Variants in ADAMTS6 observed in about 807,000 individuals in gnomAD.
ADAMTS6 encodes the protein ADAM metallopeptidase with thrombospondin type 1 motif 6.
A neutral mutation model predicts 144.3 loss-of-function variants in ADAMTS6; 23 were observed. The observed-to-expected ratio is 0.16, with a 90% CI of 0.11 to 0.23. The LOEUF is 0.23. Among genes scored for constraint, ADAMTS6 ranks in the 10% least tolerant of loss-of-function variants. ADAMTS6 has a pLI of 1.00. For missense variants in ADAMTS6, 999 were observed against 1,379.6 expected (o/e 0.72, Z 4.37); for synonymous variants, 444 against 457.5 (o/e 0.97, Z 0.38).
chr5:65,164,435 GC>G (rs1753016724), intron 24 of ADAMTS6, among the ~76,000 whole-genome samples: 1 of 147,524 alleles, frequency 6.8e-6, no homozygotes, highest in Non-Finnish European at 1.5e-5. Context: ...AAATTGCAAG[GC>G]GGCAGCGAGG....
chr5:65,176,075 G>C (rs1193587489), intron 22 of ADAMTS6, among the ~76,000 whole-genome samples: 2 of 151,206 alleles, frequency 1.3e-5, no homozygotes, highest in Non-Finnish European at 2.9e-5. Flanking sequence ...CATAAAAGAA[G>C]TTCGCTTTGG....
At chr5:65,203,733 T>A (rs1260772087) in intron 20 of ADAMTS6, among the ~76,000 whole-genome samples, 1 of 152,098 alleles carries the variant, frequency 6.6e-6, no homozygotes, top group Non-Finnish European at 1.5e-5. Context: ...AAAATCAGGA[T>A]GATCATGCTT....
intron 18 of ADAMTS6, 87 bp from the exon 19 acceptor site, chr5:65,215,574 T>A: frequency 8.7e-7 from 1 of 1,151,014 alleles, no homozygotes; most frequent in Non-Finnish European, 1.2e-6. Flanking sequence ...AAGTATACAA[T>A]GAATACCGAT....
At chr5:65,416,268 TG>T (rs1411639619) in intron 7 of ADAMTS6, 1 of 153,690 alleles carries the variant, frequency 6.5e-6, no homozygotes, top group African/African-American at 2.4e-5. Flanking sequence ...TTTTTGTTTT[TG>T]TTTTTTTTAA....
chr5:65,263,414 T>TACAA (rs1484405222), intron 12 of ADAMTS6, among the ~76,000 whole-genome samples: 4 of 123,266 alleles, frequency 3.2e-5, no homozygotes, highest in Non-Finnish European at 7.0e-5. Context: ...TGCTCTTTCT[T>TACAA]AAAAAAAAAA....
At chr5:65,304,785 T>G (rs907222056) in intron 9 of ADAMTS6, among the ~76,000 whole-genome samples, 2 of 151,992 alleles carry the variant, frequency 1.3e-5, no homozygotes, top group Non-Finnish European at 2.9e-5. Context: ...GAACAAGATC[T>G]TTAGCACTAC....
chr5:65,427,594 C>T (rs561782645), intron 7 of ADAMTS6, among the ~76,000 whole-genome samples: 2 of 151,898 alleles, frequency 1.3e-5, no homozygotes, highest in African/African-American at 2.4e-5. Context: ...GTCAAGAGAT[C>T]GAGACCATCG....
At position 65,151,218 on chromosome 5, in the gene ADAMTS6, G is replaced by A. The variant is rs544128797; in HGVS notation, c.*618C>T. The A allele has an allele frequency of 2.8e-4, 42 of 152,696 alleles. No homozygotes were observed. Among genetic ancestry groups the A allele is most frequent in the African/African-American group, 9.9e-4 (41 of 41,538 alleles). The allele number at this position is 152,696 out of a possible 1,614,324, so 9.5% of individuals were successfully genotyped here. A position where few individuals can be genotyped will look rare whatever the true frequency, so the allele number is the denominator to read the frequency against. ...TATATATGGCTCACAGCAGTGTTCA[G>A]AACCAGGGGATTATTCCTAAGGAAA... On this transcript the variant is annotated 3_prime_UTR_variant, in exon 25 of 25. Coordinates refer to ENST00000381055, the MANE Select transcript of ADAMTS6 (RefSeq NM_197941.4).
intron 21 of ADAMTS6, among the ~76,000 whole-genome samples, chr5:65,190,569 G>A (rs1161492710): frequency 6.6e-6 from 1 of 152,116 alleles, no homozygotes; most frequent in African/African-American, 2.4e-5. Context: ...AGGGATGGAG[G>A]CCTTCAAATT....
intron 3 of ADAMTS6, among the ~76,000 whole-genome samples, chr5:65,465,018 A>G (rs1230639792): frequency 2.6e-5 from 4 of 152,172 alleles, no homozygotes; most frequent in East Asian, 1.9e-4. Context: ...CACAACCTTG[A>G]TAAGATTCAA....
chr5:65,269,904 C>T lies in ADAMTS6; in HGVS notation c.1620+3436G>A, dbSNP rs1022527077. Among the ~76,000 whole-genome samples, 8 of 151,730 alleles carry T rather than the reference C, an allele frequency of 5.3e-5. 1 individual carries two copies. The highest frequency in any genetic ancestry group is 3.3e-4 in the Admixed American group (5 of 15,210). On this transcript the variant is annotated intron_variant, in intron 12 of 24. Coordinates refer to ENST00000381055, the MANE Select transcript of ADAMTS6 (RefSeq NM_197941.4). ...CGCCTCCTGGGTTCAAGTGATCCTCCTGTCTCAGGCTCCTGAGTAGCTGGG... is the reference window on the plus strand; with the variant it reads ...CGCCTCCTGGGTTCAAGTGATCCTCTTGTCTCAGGCTCCTGAGTAGCTGGG...
At chr5:65,391,728 T>A (rs1752930461) in intron 7 of ADAMTS6, among the ~76,000 whole-genome samples, 1 of 151,764 alleles carries the variant, frequency 6.6e-6, no homozygotes, top group Non-Finnish European at 1.5e-5. Flanking sequence ...TCTTTGTCTT[T>A]TACAACATTA....
In ADAMTS6 at chr5:65,265,195, T is replaced by C. The variant is rs866664261; in HGVS notation, c.1621-2233A>G. Among the ~76,000 whole-genome samples the C allele has an allele frequency of 5.3e-5, 8 of 152,152 alleles. No homozygotes were observed. The South Asian group carries it at 1.5e-3, about 28-fold the overall frequency. On this transcript the variant is annotated intron_variant, in intron 12 of 24. Transcript: ENST00000381055. Reference sequence around the variant, plus strand: ...TATTAAAACAGGATATTAAGAAAGATTATTGAGTTTTGAGCAATAAAAATT... The same window carrying C: ...TATTAAAACAGGATATTAAGAAAGACTATTGAGTTTTGAGCAATAAAAATT...
chr5:65,396,254 G>T (rs1209896544), intron 7 of ADAMTS6, among the ~76,000 whole-genome samples: 1 of 152,062 alleles, frequency 6.6e-6, no homozygotes, highest in African/African-American at 2.4e-5. Flanking sequence ...ATCATTTCTT[G>T]TTTCTACTCC....
chr5:65,255,230 G>C (rs1441094426), intron 14 of ADAMTS6, among the ~76,000 whole-genome samples: 1 of 152,124 alleles, frequency 6.6e-6, no homozygotes, highest in Non-Finnish European at 1.5e-5. Flanking sequence ...TGGCCACAGT[G>C]ACCTCCTGGC....
chr5:65,431,911 TAAC>T (rs1284886066), intron 7 of ADAMTS6, among the ~76,000 whole-genome samples: 1 of 152,040 alleles, frequency 6.6e-6, no homozygotes, highest in African/African-American at 2.4e-5. Flanking sequence ...TGTATATACT[TAAC>T]TATAGATGGT....
At chr5:65,246,105 C>T (rs1759612152) in intron 14 of ADAMTS6, among the ~76,000 whole-genome samples, 1 of 152,150 alleles carries the variant, frequency 6.6e-6, no homozygotes, top group Non-Finnish European at 1.5e-5. Flanking sequence ...TCTATATAAA[C>T]ATCTACAGAA....
chr5:65,219,980 TA>T (rs1350302987), intron 18 of ADAMTS6, among the ~76,000 whole-genome samples: 2 of 152,122 alleles, frequency 1.3e-5, no homozygotes, highest in African/African-American at 4.8e-5. Flanking sequence ...AATAAGAATA[TA>T]AAAAATGTGA....
chr5:65,371,272 A>T (rs1286917520), intron 7 of ADAMTS6, among the ~76,000 whole-genome samples: 2 of 152,236 alleles, frequency 1.3e-5, no homozygotes, highest in Non-Finnish European at 2.9e-5. Flanking sequence ...CTGGACGGAG[A>T]ATGACTTTGA....
Sources: allele counts gnomAD v4.1 joint callset (sites outside exome capture counted in the v4.1 genomes callset), GRCh38; gene constraint gnomAD v4.1.1; transcripts MANE v1.5; gene names NCBI Gene and HGNC (gene_info 2026-07-23, HGNC 2026-07-21).